LRRC69: variants seen among roughly 807,000 people sequenced by gnomAD.
The protein encoded by LRRC69 is leucine-rich repeat-containing protein 69.
Under a neutral mutation model 37.8 loss-of-function variants are expected in LRRC69, and 42 were observed. The ratio of observed to expected loss-of-function variants is 1.11; its 90% CI spans 0.87 to 1.44. The LOEUF (loss-of-function observed/expected upper bound fraction) is 1.44. LRRC69 is among the 40% of genes most tolerant of loss of function. LRRC69 has a pLI of 0.00. For synonymous variants in LRRC69, 141 were observed against 143.1 expected (o/e 0.99, Z 0.11); for missense variants, 357 against 401.9 (o/e 0.89, Z 0.96).
At chr8:91,152,095 C>T (rs944478412) in intron 5 of LRRC69, among the ~76,000 whole-genome samples, 7 of 151,582 alleles carry the variant, frequency 4.6e-5, no homozygotes, top group Admixed American at 1.3e-4. Flanking sequence ...GTTGCCTGTT[C>T]GCTCTGGTGA....
intron 7 of LRRC69, among the ~76,000 whole-genome samples, chr8:91,216,223 A>G (rs1215882782): frequency 1.3e-5 from 2 of 152,142 alleles, no homozygotes; most frequent in East Asian, 3.8e-4. Flanking sequence ...TAATTAACTA[A>G]ACAATGTTTC....
chr8:91,157,153 AGT>A, intron 5 of LRRC69: 2 of 700,874 alleles, frequency 2.9e-6, no homozygotes, highest in South Asian at 3.2e-5. Flanking sequence ...TTCTGTGAAG[AGT>A]GTCATTGGTA....
At chr8:91,114,388 T>G (rs1057242790) in intron 1 of LRRC69, among the ~76,000 whole-genome samples, 3 of 151,868 alleles carry the variant, frequency 2.0e-5, no homozygotes, top group Non-Finnish European at 4.4e-5. Context: ...AGCCAAGATA[T>G]GGGAACAACC....
intron 1 of LRRC69, among the ~76,000 whole-genome samples, 197 bp downstream of exon 1, chr8:91,103,041 T>A (rs1050460954): frequency 6.6e-6 from 1 of 152,262 alleles, no homozygotes. Context: ...GGGAGAGATG[T>A]TTCAATTTAT....
intron 1 of LRRC69, among the ~76,000 whole-genome samples, chr8:91,104,380 T>C (rs1813271463): frequency 6.6e-6 from 1 of 151,970 alleles, no homozygotes; most frequent in Non-Finnish European, 1.5e-5. Context: ...GTTTTGTGTC[T>C]TGGGTAACTC....
intron 5 of LRRC69, among the ~76,000 whole-genome samples, chr8:91,142,079 C>A (rs1433173524): frequency 6.6e-6 from 1 of 151,816 alleles, no homozygotes; most frequent in Non-Finnish European, 1.5e-5. Flanking sequence ...TTATTTTAAT[C>A]TTTTAGTCAC....
chr8:91,158,490 C>A, intron 5 of LRRC69: 1 of 1,143,740 alleles, frequency 8.7e-7, no homozygotes, highest in Non-Finnish European at 1.3e-6. Context: ...CAAGGCCTCA[C>A]AATGCACATG....
chr8:91,196,027 TA>T (rs1233483693), intron 6 of LRRC69, among the ~76,000 whole-genome samples: 2 of 152,250 alleles, frequency 1.3e-5, no homozygotes, highest in East Asian at 3.8e-4. Flanking sequence ...GGAGCTCTTT[TA>T]GGGCAGGCCT....
At chr8:91,168,267 T>C (rs1809063497) in intron 5 of LRRC69, among the ~76,000 whole-genome samples, 2 of 151,812 alleles carry the variant, frequency 1.3e-5, no homozygotes, top group African/African-American at 2.4e-5. Flanking sequence ...AATTAGGGCT[T>C]TTGGAAAAGA....
chr8:91,180,796 T>C (rs1245618807), intron 5 of LRRC69, among the ~76,000 whole-genome samples: 1 of 152,090 alleles, frequency 6.6e-6, no homozygotes, highest in East Asian at 1.9e-4. Context: ...CTACACAACC[T>C]GGGAATGTTA....
At chr8:91,114,571 C>G (rs571682748) in intron 1 of LRRC69, among the ~76,000 whole-genome samples, 2 of 151,894 alleles carry the variant, frequency 1.3e-5, no homozygotes, top group African/African-American at 2.4e-5. Context: ...CTTACTGTAC[C>G]TTTTCTATGT....
At chr8:91,187,962 T>C (rs949739429) in intron 5 of LRRC69, among the ~76,000 whole-genome samples, 1 of 152,198 alleles carries the variant, frequency 6.6e-6, no homozygotes, top group Non-Finnish European at 1.5e-5. Context: ...GAGTTTAGTA[T>C]AAATTATGGA....
Position 91,127,087 on chromosome 8 carries a change from G to C in LRRC69, c.311-1G>C. 6.5e-7 allele frequency: 1 copy of C among 1,545,426 alleles called. No individual in the cohort carries two copies. On this transcript the variant is annotated splice_acceptor_variant, in intron 2 of 7. Transcript: ENST00000448384. LOFTEE classifies it high-confidence loss of function. ...AAGTGACTAAAATTATTTTCTAACA[G>C]ATGGCTTACAAAATTTAATCCTGCT...
intron 5 of LRRC69, among the ~76,000 whole-genome samples, chr8:91,167,513 A>T (rs551383916): frequency 2.6e-5 from 4 of 151,880 alleles, no homozygotes; most frequent in Non-Finnish European, 4.4e-5. Context: ...TATCAAGGGG[A>T]GAAACTGGAA....
exon 7 of LRRC69, chr8:91,200,673 G>C: frequency 6.7e-7 from 1 of 1,484,110 alleles, no homozygotes; most frequent in Non-Finnish European, 8.9e-7. Flanking sequence ...CCTAATGGAT[G>C]ACATAGAACG....
chr8:91,114,125 C>T (rs117537097), intron 1 of LRRC69, among the ~76,000 whole-genome samples: 2,861 of 151,842 alleles, frequency 0.019, 48 homozygotes, highest in Middle Eastern at 0.048. Context: ...TTATTTTACA[C>T]ATGTTAGAAT....
chr8:91,188,968 G>A (rs993890839), intron 5 of LRRC69, among the ~76,000 whole-genome samples: 1 of 151,648 alleles, frequency 6.6e-6, no homozygotes, highest in Non-Finnish European at 1.5e-5. Flanking sequence ...GGGATTATGG[G>A]CATGTACCAC....
rs765883409 is a variant in LRRC69 at position 91,124,553 on chromosome 8, C to T, written c.244C>T (p.Leu82Phe). ...AGAAGTTCCGGAAGAGATGAAATAT[C>T]TTACATCTCTGAAGAATCTCCATTT... The change falls in exon 2 of 8, where the codon CTT becomes TTT. Residue 82 changes from leucine to phenylalanine, a missense_variant. Leu to Phe is a conservative substitution (Grantham distance 22). Coordinates refer to ENST00000448384, the Ensembl canonical transcript of LRRC69. 1.8e-5 allele frequency: 28 copies of T among 1,534,498 alleles called. 1 individual carries two copies. The highest frequency in any genetic ancestry group is 2.3e-5 in the Non-Finnish European group (26 of 1,136,242).
Position 91,205,254 on chromosome 8 carries a change from A to T in LRRC69, c.933+4462A>T, listed in dbSNP as rs747326501. Among the ~76,000 whole-genome samples, 4 of 152,154 alleles carry T rather than the reference A, an allele frequency of 2.6e-5. No homozygotes were observed. In the South Asian group the frequency reaches 8.3e-4, roughly 32 times the overall value. ...TAACACAATATATGAGCCAGAAAAT[A>T]TGTAGGTTATTTTAGCTATACTAAC... On this transcript the variant is annotated intron_variant, in intron 7 of 7. Transcript: ENST00000448384.
Sources: allele counts gnomAD v4.1 joint callset (sites outside exome capture counted in the v4.1 genomes callset), GRCh38; gene constraint gnomAD v4.1.1; transcripts MANE v1.5; gene names NCBI Gene and HGNC (gene_info 2026-07-23, HGNC 2026-07-21).